The following ZSCAN12 variants were observed in gnomAD, a reference collection of about 807,000 sequenced individuals.
ZSCAN12 encodes zinc finger and SCAN domain-containing protein 12.
A neutral mutation model predicts 23.4 loss-of-function variants in ZSCAN12; 18 were observed. The ratio of observed to expected loss-of-function variants is 0.77; its 90% CI spans 0.53 to 1.14. The LOEUF is 1.14. Ranked by LOEUF, ZSCAN12 falls within the 50% of genes most tolerant of loss-of-function variation. The pLI, the probability that ZSCAN12 is intolerant of heterozygous loss-of-function variation, is 0.00. For synonymous variants in ZSCAN12, 186 were observed against 253.4 expected (o/e 0.73, Z 2.53); for missense variants, 650 against 735.0 (o/e 0.88, Z 1.34).
At chr6:28,382,540 G>A, downstream of ZSCAN12, 2 of 1,551,904 alleles carry the variant, frequency 1.3e-6, no homozygotes, top group African/African-American at 1.4e-5. Flanking sequence ...GAGAGCTCAG[G>A]AGAAGATTCA....
At chr6:28,394,518 G>C (rs149569924) in intron 2 of ZSCAN12, among the ~76,000 whole-genome samples, 7 of 152,152 alleles carry the variant, frequency 4.6e-5, no homozygotes, top group East Asian at 1.9e-4. Context: ...CTCATATTTT[G>C]AAAAAAGAAA....
Position 28,389,975 on chromosome 6 carries a change from T to G in ZSCAN12, c.*479A>C, listed in dbSNP as rs1320277618. Among the ~76,000 whole-genome samples, 1 of 152,192 alleles carries G rather than the reference T, an allele frequency of 6.6e-6. No individual in the cohort carries two copies. Among genetic ancestry groups the G allele is most frequent in the Non-Finnish European group, 1.5e-5 (1 of 68,028 alleles). ...TTTTACTTCAGGTTGGCTAGTCTTT[T>G]CCCTGATGCTTCCAAACCACATGCA... On this transcript the variant is annotated 3_prime_UTR_variant, in exon 4 of 4. Transcript: ENST00000684592.
rs1037913778 is a variant in ZSCAN12 at position 28,398,486 on chromosome 6, C to T, written c.-68-13G>A. ...TTCCTGGACAGTCCTGAAGAATAAG[C>T]CATCATTATTAATACAAACTCCACC... is the stretch of plus-strand genomic sequence containing the variant. On this transcript the variant is annotated splice_polypyrimidine_tract_variant and intron_variant, in intron 1 of 3. Coordinates refer to ENST00000684592, the MANE Select transcript of ZSCAN12 (RefSeq NM_001163391.2). 2 of 1,368,742 alleles carry T rather than the reference C, an allele frequency of 1.5e-6. No homozygotes were observed. The highest frequency in any genetic ancestry group is 1.6e-5 in the South Asian group (1 of 61,436). The allele number at this position is 1,368,742 out of a possible 1,614,324, so 84.8% of individuals were successfully genotyped here.
downstream of ZSCAN12, chr6:28,382,419 AC>A: frequency 6.6e-7 from 1 of 1,510,108 alleles, no homozygotes; most frequent in African/African-American, 1.4e-5. Context: ...TTGAGGAAAG[AC>A]CTGTGATTTC....
At position 28,384,978 on chromosome 6, in the gene ZSCAN12, G is replaced by C. The variant is rs1760470359; in HGVS notation, c.*5476C>G. On this transcript the variant is annotated 3_prime_UTR_variant, in exon 4 of 4. Transcript: ENST00000684592. ...TGTCTAGGTTGAACAACAAGCATTTGCTCAAATTCTGGCCTTGTGGAGTTA... is the reference window on the plus strand; with the variant it reads ...TGTCTAGGTTGAACAACAAGCATTTCCTCAAATTCTGGCCTTGTGGAGTTA... Among the ~76,000 whole-genome samples, 1 of 152,186 alleles carries C rather than the reference G, an allele frequency of 6.6e-6. No homozygotes were observed. Among genetic ancestry groups the C allele is most frequent in the Non-Finnish European group, 1.5e-5 (1 of 68,038 alleles).
rs1367726936 is a variant in ZSCAN12 at position 28,389,662 on chromosome 6, A to C, written c.*792T>G. Among the ~76,000 whole-genome samples the C allele has an allele frequency of 1.3e-5, 2 of 152,186 alleles. No homozygotes were observed. Among genetic ancestry groups the C allele is most frequent in the Admixed American group, 6.5e-5 (1 of 15,278 alleles). The stretch of plus-strand genomic sequence containing the variant: ...TTCATCAAAGTTGGAGGATCACTAG[A>C]GTAATGGCCAGGACTAGAAGTCAAA... On this transcript the variant is annotated 3_prime_UTR_variant, in exon 4 of 4. Coordinates refer to ENST00000684592, the MANE Select transcript of ZSCAN12 (RefSeq NM_001163391.2).
chr6:28,382,233 G>T, downstream of ZSCAN12: 1 of 364,082 alleles, frequency 2.7e-6, no homozygotes, highest in East Asian at 4.8e-5. Context: ...GCCTGTTCCA[G>T]CACCTGCTTC....
chr6:28,391,493 C>G lies in ZSCAN12; in HGVS notation c.797G>C (p.Arg266Thr). The G allele has an allele frequency of 4.5e-6, 7 of 1,551,968 alleles. No individual in the cohort carries two copies. Among genetic ancestry groups the G allele is most frequent in the Non-Finnish European group, 6.1e-6 (7 of 1,147,054 alleles). ...TENSDHTEHQ[R>T]ICPGEESYGC... ...GTAAGATTCTTCTCCTGGACAGATT[C>G]TCTGATGTTCAGTATGGTCAGAGTT... is the stretch of plus-strand genomic sequence containing the variant. Residue 266 changes from arginine to threonine, a missense_variant, in exon 4 of 4, where the codon AGA (arginine) becomes ACA (threonine). Arg to Thr is a moderately conservative substitution (Grantham distance 71, BLOSUM62 -1). Transcript: ENST00000684592. The surrounding 1 kb of genome is among the most constrained non-coding windows in gnomAD (Gnocchi z 4.1).
downstream of ZSCAN12, among the ~76,000 whole-genome samples, chr6:28,384,717 C>A (rs540947032): frequency 6.6e-6 from 1 of 152,228 alleles, no homozygotes; most frequent in South Asian, 2.1e-4. Context: ...ATACAAATTA[C>A]AACACAAAAA....
intron 3 of ZSCAN12, among the ~76,000 whole-genome samples, chr6:28,392,438 A>G (rs918027467): frequency 1.3e-5 from 2 of 152,158 alleles, no homozygotes; most frequent in Admixed American, 1.3e-4. Context: ...GGCCTCCCAA[A>G]GTGTTGGGAT....
At position 28,398,448 on chromosome 6, in the gene ZSCAN12, C is replaced by T; in HGVS notation, c.-43G>A. On this transcript the variant is annotated 5_prime_UTR_variant, in exon 2 of 4. The change creates a new upstream start codon in the 5' untranslated region. Coordinates refer to ENST00000684592, the MANE Select transcript of ZSCAN12 (RefSeq NM_001163391.2). ...TACCGGTGTTTCAAGTAAGATCTCA[C>T]CTGGAAACTGTATTCCTGGACAGTC... 6.7e-7 allele frequency: 1 copy of T among 1,489,538 alleles called. No individual in the cohort carries two copies. The highest frequency in any genetic ancestry group is 9.0e-7 in the Non-Finnish European group (1 of 1,114,532). The allele number at this position is 1,489,538 out of a possible 1,614,324, so 92.3% of individuals were successfully genotyped here. A position where few individuals can be genotyped will look rare whatever the true frequency, so the allele number is the denominator to read the frequency against.
rs1203918823 is a variant in ZSCAN12 at position 28,387,805 on chromosome 6, A to G, written c.*2649T>C. On this transcript the variant is annotated 3_prime_UTR_variant, in exon 4 of 4. Coordinates refer to ENST00000684592, the MANE Select transcript of ZSCAN12 (RefSeq NM_001163391.2). ...TCCTTGGACTCTTGCTGGCGCCCAG[A>G]TGTCTGTGGTCATAGGTCACCTCTT... 6.6e-6 allele frequency among the ~76,000 whole-genome samples: 1 copy of G among 152,160 alleles called. No homozygotes were observed. The highest frequency in any genetic ancestry group is 2.4e-5 in the African/African-American group (1 of 41,436).
chr6:28,392,465 C>T (rs185594043), intron 3 of ZSCAN12, among the ~76,000 whole-genome samples: 40 of 152,282 alleles, frequency 2.6e-4, no homozygotes, highest in South Asian at 6.2e-4. Flanking sequence ...CGTGAGCCAC[C>T]GCACCCAGCC....
At chr6:28,392,326 C>T (rs1018498064) in intron 3 of ZSCAN12, among the ~76,000 whole-genome samples, 14 of 151,830 alleles carry the variant, frequency 9.2e-5, no homozygotes, top group African/African-American at 3.1e-4. Flanking sequence ...TACAGGCACG[C>T]GCCACCATGC....
chr6:28,393,790 A>G (rs995731309), intron 2 of ZSCAN12, among the ~76,000 whole-genome samples: 3 of 151,940 alleles, frequency 2.0e-5, no homozygotes, highest in African/African-American at 7.3e-5. Flanking sequence ...AGAAAGGGAA[A>G]AGAAGGGAAG....
intron 1 of ZSCAN12, among the ~76,000 whole-genome samples, chr6:28,399,110 G>A (rs1761287359): frequency 6.6e-6 from 1 of 152,138 alleles, no homozygotes; most frequent in Admixed American, 6.5e-5. Context: ...CAAAAGGTTA[G>A]GACATCCTTG....
rs1294994343 is a variant in ZSCAN12, at chr6:28,385,568, G to A, written c.*4886C>T. Among the ~76,000 whole-genome samples, 2 of 152,194 alleles carry A rather than the reference G, an allele frequency of 1.3e-5. No homozygotes were observed. Among genetic ancestry groups the A allele is most frequent in the Non-Finnish European group, 2.9e-5 (2 of 68,032 alleles). On this transcript the variant is annotated 3_prime_UTR_variant, in exon 4 of 4. Transcript: ENST00000684592. ...ATAAAGAGAGGAAGTGTATCACAGA[G>A]GTTAAAAGTGTGAACTCTGGAACTG...
rs2232437 is a variant in ZSCAN12, at chr6:28,390,903, G to A, written c.1387C>T (p.His463Tyr). The A allele has an allele frequency of 2.7e-4, 420 of 1,568,746 alleles. 5 individuals carry two copies. The East Asian group carries it at 9.6e-3, about 36-fold the overall frequency. ...CATTTGTAGGGTTTTTCCCCAGTGTGAATTCTCTGATGCTGAATAAGGCCA... is the reference window on the plus strand; with the variant it reads ...CATTTGTAGGGTTTTTCCCCAGTGTAAATTCTCTGATGCTGAATAAGGCCA... ...QSGLIQHQRIHTGEKPYKCDV... is the reference protein window; with the variant it reads ...QSGLIQHQRIYTGEKPYKCDV... Residue 463 changes from histidine (H) to tyrosine (Y), a missense_variant, in exon 4 of 4, where the codon CAC (histidine) becomes TAC (tyrosine). His to Tyr is a moderately conservative substitution (Grantham distance 83). Transcript: ENST00000684592.
downstream of ZSCAN12, chr6:28,382,624 A>T: frequency 6.5e-7 from 1 of 1,550,366 alleles, no homozygotes; most frequent in Non-Finnish European, 8.7e-7. Flanking sequence ...GGCATAAAAT[A>T]ACAATGTTAA....
Sources: gnomAD v4.1 joint callset for allele counts (sites outside exome capture counted in the v4.1 genomes callset) on GRCh38, gnomAD v4.1.1 for gene constraint, Gnocchi (gnomAD v3.1) non-coding constraint, MANE v1.5 for transcripts, NCBI Gene and HGNC (gene_info 2026-07-23, HGNC 2026-07-21) for gene names.